TFDP2: variants seen among roughly 807,000 people sequenced by gnomAD.
The protein encoded by TFDP2 is transcription factor Dp-2, also known as transcription factor Dp-2 (E2F dimerization partner 2).
TFDP2 carries 17 observed loss-of-function variants against 59.3 expected under a neutral mutation model. The observed-to-expected ratio is 0.29, with a 90% confidence interval of 0.20 to 0.43. The LOEUF is 0.43. TFDP2 is among the 20% of genes least tolerant of loss of function. The pLI is 1.00. For missense variants in TFDP2, 391 were observed against 528.8 expected, an observed-to-expected ratio of 0.74 and a Z score of 2.56; for synonymous variants, 180 against 194.7, an observed-to-expected ratio of 0.92 and a Z score of 0.63.
chr3:142,053,097 C>T (rs1947728044), intron 3 of TFDP2, among the ~76,000 whole-genome samples: 3 of 152,170 alleles, frequency 2.0e-5, no homozygotes, highest in African/African-American at 4.8e-5. Flanking sequence ...CGTGAGCCAC[C>T]GCGCCCAGCC....
chr3:141,994,415 C>A (rs930246341), intron 5 of TFDP2: 6 of 151,946 alleles, frequency 3.9e-5, no homozygotes, highest in African/African-American at 1.5e-4. Context: ...ATTTATCTTA[C>A]TTATTTTTCT....
intron 1 of TFDP2, among the ~76,000 whole-genome samples, chr3:142,104,877 T>G (rs2061424944): frequency 6.6e-6 from 1 of 152,132 alleles, no homozygotes; most frequent in South Asian, 2.1e-4. Flanking sequence ...ACAGCCTGGT[T>G]GTAAGTGTCC....
In TFDP2 at chr3:142,131,336, G is replaced by A. The variant is rs549935956; in HGVS notation, c.-93+17847C>T. 6.0e-5 allele frequency among the ~76,000 whole-genome samples: 9 copies of A among 150,040 alleles called. 1 individual carries two copies. The highest frequency in any genetic ancestry group is 2.3e-4 in the African/African-American group (9 of 39,628). On this transcript the variant is annotated intron_variant, in intron 1 of 12. Transcript: ENST00000489671. ...AAGCAAAAACTGACTATTTTACAAG[G>A]AGAAACTAAGAAATCCACAATCATA...
intron 1 of TFDP2, among the ~76,000 whole-genome samples, chr3:142,132,794 A>C (rs1158737833): frequency 6.8e-6 from 1 of 146,990 alleles, no homozygotes; most frequent in Non-Finnish European, 1.5e-5. Flanking sequence ...ATCTCAATAA[A>C]GCTTTAAAAA....
intron 6 of TFDP2, among the ~76,000 whole-genome samples, chr3:141,985,043 A>C (rs1188559343): frequency 6.6e-6 from 1 of 152,040 alleles, no homozygotes; most frequent in Admixed American, 6.6e-5. Context: ...GTTAACTACT[A>C]CTGCTGCCAC....
At chr3:142,030,119 G>C (rs1472550584) in intron 3 of TFDP2, among the ~76,000 whole-genome samples, 1 of 152,174 alleles carries the variant, frequency 6.6e-6, no homozygotes, top group Admixed American at 6.6e-5. Context: ...ATAGATCAGA[G>C]AGCTTCTTCT....
intron 3 of TFDP2, among the ~76,000 whole-genome samples, chr3:142,077,737 T>C (rs1041630883): frequency 2.0e-5 from 3 of 152,164 alleles, no homozygotes; most frequent in African/African-American, 4.8e-5. Context: ...GCTTCACGTA[T>C]GACCCAGAAC....
At chr3:141,984,354 T>C (rs1941830705) in intron 6 of TFDP2, among the ~76,000 whole-genome samples, 1 of 152,000 alleles carries the variant, frequency 6.6e-6, no homozygotes, top group African/African-American at 2.4e-5. Context: ...AAAAATTAGC[T>C]GGTGTGGTGG....
At chr3:141,968,641 A>C (rs1473983562) in intron 9 of TFDP2, among the ~76,000 whole-genome samples, 2 of 115,410 alleles carry the variant, frequency 1.7e-5, no homozygotes, top group Non-Finnish European at 3.3e-5. Flanking sequence ...TAACACATAT[A>C]TATCTCATAT....
rs76251320 is a variant in TFDP2, at chr3:142,005,334, C to T, written c.186+107G>A. ...GATTACAGGAGTGAGCCACCTACCG[C>T]GCCTGGTTTAACTGGAATATCTGAT... is the stretch of plus-strand genomic sequence containing the variant. On this transcript the variant is annotated intron_variant, in intron 4 of 12. Coordinates refer to ENST00000489671, the MANE Select transcript of TFDP2 (RefSeq NM_001178139.2). 1,234 of 898,394 alleles carry T rather than the reference C, an allele frequency of 1.4e-3. 11 individuals are homozygous for T. The East Asian group carries it at 0.028, about 21-fold the overall frequency. 55.7% of individuals were successfully genotyped at this position (898,394 alleles called of 1,614,324 possible).
intron 3 of TFDP2, among the ~76,000 whole-genome samples, chr3:142,055,784 C>T (rs1393806509): frequency 6.6e-6 from 1 of 152,030 alleles, no homozygotes; most frequent in Non-Finnish European, 1.5e-5. Context: ...AGTGATAACA[C>T]AAGTTCTTGA....
chr3:142,021,229 T>G lies in TFDP2; in HGVS notation c.83-15685A>C, dbSNP rs568723306. 5.3e-5 allele frequency among the ~76,000 whole-genome samples: 8 copies of G among 152,278 alleles called. No homozygotes were observed. The South Asian group carries it at 1.7e-3, about 32-fold the overall frequency. ...AAAAGTTCATAATATCTCCAAAGTA[T>G]AATGGTTAAAGTGACCTCTGGAACC... is the stretch of plus-strand genomic sequence containing the variant. On this transcript the variant is annotated intron_variant, in intron 3 of 12. Coordinates refer to ENST00000489671, the MANE Select transcript of TFDP2 (RefSeq NM_001178139.2).
At chr3:142,043,945 G>T in intron 3 of TFDP2, 1 of 786,664 alleles carries the variant, frequency 1.3e-6, no homozygotes, top group Non-Finnish European at 2.3e-6. Context: ...TCGCGCATTG[G>T]CTGTACCCTT....
intron 3 of TFDP2, among the ~76,000 whole-genome samples, chr3:142,014,963 C>T (rs534277873): frequency 1.1e-4 from 16 of 152,210 alleles, no homozygotes; most frequent in Non-Finnish European, 1.8e-4. Flanking sequence ...CCTCTCTTCC[C>T]AATTTTCCCC....
intron 3 of TFDP2, among the ~76,000 whole-genome samples, chr3:142,031,423 G>A (rs1347488315): frequency 6.6e-6 from 1 of 152,054 alleles, no homozygotes; most frequent in Non-Finnish European, 1.5e-5. Flanking sequence ...TTCCTTTCCA[G>A]AGCCTTTTCT....
In TFDP2 at chr3:142,123,080, G is replaced by C. The variant is rs908281678; in HGVS notation, c.-92-21239C>G. Among the ~76,000 whole-genome samples, 16 of 151,940 alleles carry C rather than the reference G, an allele frequency of 1.1e-4. 1 individual carries two copies. The highest frequency in any genetic ancestry group is 2.4e-4 in the Non-Finnish European group (16 of 67,992). On this transcript the variant is annotated intron_variant, in intron 1 of 12. Transcript: ENST00000489671. ...AAGCTCAAGCAATTCTCCTGTCTCAGCCTGCTGAGTAGCTGAAATTACAGG... is the reference window on the plus strand; with the variant it reads ...AAGCTCAAGCAATTCTCCTGTCTCACCCTGCTGAGTAGCTGAAATTACAGG...
At chr3:142,045,268 TCCTG>T (rs908932570) in intron 3 of TFDP2, among the ~76,000 whole-genome samples, 2 of 151,808 alleles carry the variant, frequency 1.3e-5, no homozygotes, top group African/African-American at 4.8e-5. Flanking sequence ...CAAGTGATTC[TCCTG>T]CCTCAGCCTC....
intron 1 of TFDP2, among the ~76,000 whole-genome samples, chr3:142,127,765 A>G (rs1315039504): frequency 6.6e-6 from 1 of 152,206 alleles, no homozygotes; most frequent in Non-Finnish European, 1.5e-5. Context: ...TTATATATAC[A>G]TAATTAAAAT....
intron 3 of TFDP2, among the ~76,000 whole-genome samples, chr3:142,013,543 A>G (rs1944887073): frequency 6.6e-6 from 1 of 152,168 alleles, no homozygotes; most frequent in African/African-American, 2.4e-5. Flanking sequence ...GATTCCTGGG[A>G]CTCAGTGTAT....
Sources: allele counts gnomAD v4.1 joint callset (sites outside exome capture counted in the v4.1 genomes callset), GRCh38; gene constraint gnomAD v4.1.1; transcripts MANE v1.5; gene names NCBI Gene and HGNC (gene_info 2026-07-23, HGNC 2026-07-21).